GALNT5: variants seen among roughly 807,000 people sequenced by gnomAD.
The protein encoded by GALNT5 is UDP-GalNAc:polypeptide N-acetylgalactosaminyltransferase 5.
In GALNT5, 72 loss-of-function variants were observed where a neutral mutation model predicts 85.4. That is an observed-to-expected ratio of 0.84 (90% confidence interval 0.70 to 1.03). The LOEUF (loss-of-function observed/expected upper bound fraction) is 1.03, where lower values mean the gene tolerates loss of function less well. GALNT5 is among the 50% of genes least tolerant of loss of function. The pLI is 0.00. For synonymous variants in GALNT5, 404 were observed against 397.0 expected, an observed-to-expected ratio of 1.02 and a Z score of -0.21; for missense variants, 1,137 against 1,135.5, an observed-to-expected ratio of 1.00 and a Z score of -0.02.
In GALNT5 at chr2:157,312,937, T is replaced by C. The variant is rs1442197249; in HGVS notation, c.*1589T>C. ...TGATTGTGAAACTAGGTATCTTTCA[T>C]TCTGACTCCTAGTTTAACATTTAAT... is the stretch of plus-strand genomic sequence containing the variant. On this transcript the variant is annotated 3_prime_UTR_variant, in exon 10 of 10. Coordinates refer to ENST00000259056, the MANE Select transcript of GALNT5 (RefSeq NM_014568.3). 1 of 152,198 alleles carries C rather than the reference T, an allele frequency of 6.6e-6. No individual in the cohort carries two copies. The highest frequency in any genetic ancestry group is 1.5e-5 in the Non-Finnish European group (1 of 68,014). The allele number at this position is 152,198 out of a possible 1,614,324, so 9.4% of individuals were successfully genotyped here. A position where few individuals can be genotyped will look rare whatever the true frequency, so the allele number is the denominator to read the frequency against.
intron 7 of GALNT5, among the ~76,000 whole-genome samples, chr2:157,303,754 A>ACAT (rs1574034405): frequency 2.6e-5 from 4 of 152,208 alleles, no homozygotes; most frequent in African/African-American, 9.6e-5. Flanking sequence ...TGAGGGAGGG[A>ACAT]CATGTAAGGG....
chr2:157,281,214 G>A (rs374143139), intron 1 of GALNT5, among the ~76,000 whole-genome samples: 20 of 152,208 alleles, frequency 1.3e-4, no homozygotes, highest in East Asian at 7.7e-4. Flanking sequence ...ACAGGCACCC[G>A]CAACGATGCC....
chr2:157,267,639 A>G (rs190080600), intron 1 of GALNT5, among the ~76,000 whole-genome samples: 208 of 152,256 alleles, frequency 1.4e-3, no homozygotes, highest in African/African-American at 4.8e-3. Context: ...TCCCAATTTC[A>G]CTGTGACAGC....
At chr2:157,295,061 A>G (rs905761140) in intron 3 of GALNT5, among the ~76,000 whole-genome samples, 2 of 152,136 alleles carry the variant, frequency 1.3e-5, no homozygotes, top group Non-Finnish European at 2.9e-5. Flanking sequence ...GTGCAGGCCC[A>G]TAGTGTTACA....
At chr2:157,283,373 G>T (rs1682896624) in intron 1 of GALNT5, among the ~76,000 whole-genome samples, 1 of 152,072 alleles carries the variant, frequency 6.6e-6, no homozygotes, top group Non-Finnish European at 1.5e-5. Flanking sequence ...GCACAGGCAG[G>T]GGGTGAAAGA....
intron 3 of GALNT5, among the ~76,000 whole-genome samples, chr2:157,291,407 T>C (rs1301770393): frequency 6.6e-6 from 1 of 152,220 alleles, no homozygotes; most frequent in Non-Finnish European, 1.5e-5. Context: ...TTATAACTTG[T>C]ATCTGCTGCA....
chr2:157,262,542 G>A (rs985363685), intron 1 of GALNT5, among the ~76,000 whole-genome samples: 2 of 148,280 alleles, frequency 1.3e-5, no homozygotes, highest in Non-Finnish European at 1.5e-5. Flanking sequence ...GGAAGCTGAG[G>A]TGGGAGGATC....
intron 1 of GALNT5, among the ~76,000 whole-genome samples, chr2:157,273,852 T>C (rs753151066): frequency 3.3e-5 from 5 of 152,036 alleles, no homozygotes; most frequent in South Asian, 2.1e-4. Flanking sequence ...ATGTTAATAA[T>C]ATACTTTAAA....
intron 1 of GALNT5, among the ~76,000 whole-genome samples, chr2:157,274,420 G>A (rs1414473662): frequency 2.0e-5 from 3 of 152,176 alleles, no homozygotes; most frequent in Admixed American, 2.0e-4. Context: ...CTTCCACAAT[G>A]GTTGAACTAG....
In GALNT5 at chr2:157,257,908, C is replaced by G; in HGVS notation, c.-175C>G. The G allele has an allele frequency of 1.5e-6, 1 of 654,272 alleles. No individual in the cohort carries two copies. The highest frequency in any genetic ancestry group is 1.9e-5 in the South Asian group (1 of 53,836). 40.5% of individuals were successfully genotyped at this position (654,272 alleles called of 1,614,324 possible). A position where few individuals can be genotyped will look rare whatever the true frequency, so the allele number is the denominator to read the frequency against. On this transcript the variant is annotated 5_prime_UTR_variant, in exon 1 of 10. Transcript: ENST00000259056. The stretch of plus-strand genomic sequence containing the variant: ...GAAATGCCACGCAGGCAGAGACTGA[C>G]AAGCGGTAGGAACTGAGCTTTCCCC...
intron 5 of GALNT5, among the ~76,000 whole-genome samples, chr2:157,297,432 T>G (rs189297511): frequency 2.0e-5 from 3 of 152,288 alleles, no homozygotes; most frequent in East Asian, 1.9e-4. Context: ...AAATTTAGAC[T>G]TAAAAGCATT....
Position 157,313,963 on chromosome 2 carries a change from A to T in GALNT5, c.*2615A>T, listed in dbSNP as rs1683636106. The T allele has an allele frequency of 6.6e-6, 1 of 152,190 alleles. No homozygotes were observed. Among genetic ancestry groups the T allele is most frequent in the South Asian group, 2.1e-4 (1 of 4,826 alleles). The allele number at this position is 152,190 out of a possible 1,614,324, so 9.4% of individuals were successfully genotyped here. ...GGAACTGATCACTAGTTGGGAATCT[A>T]TATGGGCCTAAACTTGAGTGTATTG... On this transcript the variant is annotated 3_prime_UTR_variant, in exon 10 of 10. Transcript: ENST00000259056.
chr2:157,263,219 G>A (rs531115841), intron 1 of GALNT5, among the ~76,000 whole-genome samples: 16 of 152,044 alleles, frequency 1.1e-4, no homozygotes, highest in African/African-American at 3.9e-4. Flanking sequence ...CCCCTTTGTG[G>A]TATAGCAATA....
At chr2:157,286,534 C>T (rs940401482) in intron 3 of GALNT5, among the ~76,000 whole-genome samples, 20 of 152,084 alleles carry the variant, frequency 1.3e-4, no homozygotes, top group East Asian at 1.9e-4. Flanking sequence ...GACAGAGTCT[C>T]GCTCTGTCAC....
At chr2:157,295,624 C>A in intron 3 of GALNT5, 39 bp from the exon 4 acceptor site, 11 of 1,556,484 alleles carry the variant, frequency 7.1e-6, no homozygotes, top group Non-Finnish European at 9.7e-6. Flanking sequence ...TTCAATATAT[C>A]GTATTTTCTA....
At chr2:157,298,944 GGAAGACC>G (rs1683277844) in intron 5 of GALNT5, 1 of 152,046 alleles carries the variant, frequency 6.6e-6, no homozygotes, top group East Asian at 1.9e-4. Context: ...ACGGAAGACC[GGAAGACC>G]GGAAGACCGG....
intron 1 of GALNT5, among the ~76,000 whole-genome samples, chr2:157,260,286 G>C (rs1415095853): frequency 6.6e-6 from 1 of 152,220 alleles, no homozygotes; most frequent in Non-Finnish European, 1.5e-5. Context: ...GGAGGAGGCA[G>C]TCATTATGGT....
At chr2:157,286,202 A>G in intron 3 of GALNT5, 68 bp downstream of exon 3, 1 of 1,333,648 alleles carries the variant, frequency 7.5e-7, no homozygotes, top group Non-Finnish European at 1.1e-6. Context: ...TCAAACATAC[A>G]GCAAATGTGA....
intron 3 of GALNT5, among the ~76,000 whole-genome samples, chr2:157,289,571 C>T (rs16841509): frequency 0.13 from 20,124 of 152,040 alleles, 2,757 homozygotes; most frequent in African/African-American, 0.35. Context: ...AGGGAATCTA[C>T]AGCTCTCAGT....
Sources: gnomAD v4.1 joint callset for allele counts (sites outside exome capture counted in the v4.1 genomes callset) on GRCh38, gnomAD v4.1.1 for gene constraint, MANE v1.5 for transcripts, NCBI Gene and HGNC (gene_info 2026-07-23, HGNC 2026-07-21) for gene names.